ZBTB8A: variants seen among roughly 807,000 people sequenced by gnomAD.
The protein encoded by ZBTB8A is zinc finger and BTB domain containing 8A.
In ZBTB8A, 19 loss-of-function variants were observed where a neutral mutation model predicts 37.8. The observed-to-expected ratio is 0.50, with a 90% CI of 0.35 to 0.74. The LOEUF (loss-of-function observed/expected upper bound fraction) is 0.74. Among genes scored for constraint, ZBTB8A ranks in the 30% least tolerant of loss-of-function variants. The pLI is 0.01. For synonymous variants in ZBTB8A, 181 were observed against 185.2 expected (o/e 0.98, Z 0.19); for missense variants, 394 against 537.8 (o/e 0.73, Z 2.65).
At chr1:32,569,386 CTTTT>C (rs563715372) in intron 2 of ZBTB8A, among the ~76,000 whole-genome samples, 1 of 82,276 alleles carries the variant, frequency 1.2e-5, no homozygotes. Context: ...TTTTCCTTTC[CTTTT>C]TTTTTTTTTT....
At chr1:32,588,846 T>C (rs970291664) in intron 2 of ZBTB8A, among the ~76,000 whole-genome samples, 1 of 151,896 alleles carries the variant, frequency 6.6e-6, no homozygotes, top group Non-Finnish European at 1.5e-5. Context: ...TAGCTGGGTA[T>C]GGTAGCATGC....
chr1:32,563,042 A>T (rs1321192034), intron 2 of ZBTB8A, among the ~76,000 whole-genome samples: 1 of 152,218 alleles, frequency 6.6e-6, no homozygotes, highest in Non-Finnish European at 1.5e-5. Context: ...TAAAGTAGGT[A>T]TACTGAGTAC....
At chr1:32,581,951 A>G (rs1249320666) in intron 2 of ZBTB8A, among the ~76,000 whole-genome samples, 1 of 152,150 alleles carries the variant, frequency 6.6e-6, no homozygotes, top group East Asian at 1.9e-4. Flanking sequence ...CCTATCATTC[A>G]GTTACCTCCA....
intron 2 of ZBTB8A, among the ~76,000 whole-genome samples, chr1:32,585,957 C>T (rs919405873): frequency 2.0e-5 from 3 of 151,270 alleles, no homozygotes; most frequent in Admixed American, 1.3e-4. Context: ...GAGCCAAGAT[C>T]GCGCCATTGC....
In ZBTB8A at chr1:32,600,366, G is replaced by T; in HGVS notation, c.1273G>T (p.Val425Phe). The T allele has an allele frequency of 6.2e-7, 1 of 1,613,886 alleles. No individual in the cohort carries two copies. The change falls in exon 5 of 5, where the codon GTT (valine) becomes TTT (phenylalanine). Residue 425 changes from valine to phenylalanine, a missense_variant. Around this residue, in one of 4 missense-constraint regions of ZBTB8A, gnomAD observed 85 missense variants for 89.0 expected, o/e 0.95. Transcript: ENST00000373510. ...GTCTGCTGATCTGGTCATCCAACAG[G>T]TTGATGATAGTGAAGAAGAAGAAGA... is the stretch of plus-strand genomic sequence containing the variant. ...DGSADLVIQQ[V>F]DDSEEEEEKE...
Position 32,588,476 on chromosome 1 carries a change from A to G in ZBTB8A, c.-1-4455A>G, listed in dbSNP as rs533550850. ...ATGTTTGAGGCCTGAGACCCAATAC[A>G]TTCCAAAATTTGGAGATTAGGAAAA... On this transcript the variant is annotated intron_variant, in intron 2 of 4. Coordinates refer to ENST00000373510, the MANE Select transcript of ZBTB8A (RefSeq NM_001040441.3). 7.2e-5 allele frequency among the ~76,000 whole-genome samples: 11 copies of G among 152,132 alleles called. No individual in the cohort carries two copies. The South Asian group carries it at 1.2e-3, about 17-fold the overall frequency.
intron 1 of ZBTB8A, among the ~76,000 whole-genome samples, chr1:32,540,376 C>G (rs1359077163): frequency 6.6e-6 from 1 of 152,146 alleles, no homozygotes. Context: ...GTCAATATCA[C>G]CTCTATGCTT....
chr1:32,559,455 G>A (rs1441055052), intron 2 of ZBTB8A, among the ~76,000 whole-genome samples: 2 of 150,806 alleles, frequency 1.3e-5, no homozygotes, highest in African/African-American at 4.9e-5. Context: ...CAAGGTGACA[G>A]TATTTTTTTG....
chr1:32,550,831 C>T (rs1149059), intron 1 of ZBTB8A, among the ~76,000 whole-genome samples: 3,418 of 151,656 alleles, frequency 0.023, 130 homozygotes, highest in African/African-American at 0.078. Context: ...GTGGCAGGCT[C>T]CTGCAGTCCC....
chr1:32,570,994 G>A (rs1466571776), intron 2 of ZBTB8A, among the ~76,000 whole-genome samples: 1 of 151,890 alleles, frequency 6.6e-6, no homozygotes, highest in South Asian at 2.1e-4. Context: ...TCCTGCCTCA[G>A]CCTCCTGCGT....
intron 2 of ZBTB8A, among the ~76,000 whole-genome samples, chr1:32,559,740 C>T (rs530430929): frequency 6.6e-6 from 1 of 152,208 alleles, no homozygotes; most frequent in East Asian, 1.9e-4. Context: ...CCTGGGATTA[C>T]AAGCATGAGC....
chr1:32,567,187 A>G (rs1644286329), intron 2 of ZBTB8A, among the ~76,000 whole-genome samples: 1 of 152,106 alleles, frequency 6.6e-6, no homozygotes, highest in Admixed American at 6.6e-5. Flanking sequence ...CCCATCCTAC[A>G]TGTCTGGAGC....
In ZBTB8A at chr1:32,601,709, C is replaced by T. The variant is rs1336698283; in HGVS notation, c.*1290C>T. On this transcript the variant is annotated 3_prime_UTR_variant, in exon 5 of 5. Transcript: ENST00000373510. ...CTTTCAGCCTTCTCTCCCTGTATGT[C>T]TCCTGAAATGGCAAAGAATAGAAGT... 2.5e-6 allele frequency: 1 copy of T among 398,456 alleles called. No individual in the cohort carries two copies. The highest frequency in any genetic ancestry group is 4.4e-6 in the Non-Finnish European group (1 of 226,022). The allele number at this position is 398,456 out of a possible 1,614,324, so 24.7% of individuals were successfully genotyped here. A position where few individuals can be genotyped will look rare whatever the true frequency, so the allele number is the denominator to read the frequency against.
chr1:32,587,059 G>A (rs1422504829), intron 2 of ZBTB8A, among the ~76,000 whole-genome samples: 6 of 151,876 alleles, frequency 4.0e-5, no homozygotes, highest in Admixed American at 1.3e-4. Context: ...GGCCAACATG[G>A]CAAAATCCGT....
chr1:32,545,598 G>A (rs912703645), intron 1 of ZBTB8A, among the ~76,000 whole-genome samples: 25 of 152,094 alleles, frequency 1.6e-4, no homozygotes, highest in African/African-American at 5.8e-4. Flanking sequence ...CAAAACTGGA[G>A]GGGCTTCCAA....
chr1:32,574,610 T>C (rs1644346587), intron 2 of ZBTB8A, among the ~76,000 whole-genome samples: 2 of 152,080 alleles, frequency 1.3e-5, no homozygotes, highest in South Asian at 4.1e-4. Flanking sequence ...AATTAAAAAA[T>C]AAAAATTTTT....
At chr1:32,576,698 G>A (rs1418658428) in intron 2 of ZBTB8A, among the ~76,000 whole-genome samples, 2 of 151,998 alleles carry the variant, frequency 1.3e-5, no homozygotes, top group African/African-American at 4.8e-5. Flanking sequence ...CAAAGTGCTG[G>A]GATTACAGGC....
At chr1:32,546,654 T>C (rs1477419697) in intron 1 of ZBTB8A, among the ~76,000 whole-genome samples, 1 of 152,050 alleles carries the variant, frequency 6.6e-6, no homozygotes, top group Non-Finnish European at 1.5e-5. Context: ...AAGGAAAATA[T>C]ACTTCTGTGG....
chr1:32,585,590 A>C (rs538438277), intron 2 of ZBTB8A, among the ~76,000 whole-genome samples: 15 of 152,266 alleles, frequency 9.9e-5, no homozygotes, highest in African/African-American at 3.4e-4. Flanking sequence ...GTGAGACTCA[A>C]CATTATAAAG....
Sources: gnomAD v4.1 joint callset for allele counts (sites outside exome capture counted in the v4.1 genomes callset) on GRCh38, gnomAD v4.1.1 for gene constraint, gnomAD v4.1.1 regional missense constraint, MANE v1.5 for transcripts, NCBI Gene and HGNC (gene_info 2026-07-23, HGNC 2026-07-21) for gene names.